Variants in GLYATL1 observed in about 807,000 individuals in gnomAD.
The protein encoded by GLYATL1 is glycine N-acyltransferase-like protein 1.
GLYATL1 carries 15 observed loss-of-function variants against 20.0 expected under a neutral mutation model. That is an observed-to-expected ratio of 0.75 (90% confidence interval 0.50 to 1.15). The LOEUF (loss-of-function observed/expected upper bound fraction) is 1.15, where lower values mean the gene tolerates loss of function less well. Among genes scored for constraint, GLYATL1 ranks in the 50% most tolerant of loss-of-function variants. The probability of loss-of-function intolerance (pLI) is 0.00; values close to 1 mark genes in which losing one functional copy is unlikely to be tolerated. For synonymous variants in GLYATL1, 151 were observed against 131.5 expected (o/e 1.15, Z -1.01); for missense variants, 380 against 368.5 (o/e 1.03, Z -0.26).
chr11:58,920,485 T>G (rs80006770), intron 1 of GLYATL1, among the ~76,000 whole-genome samples: 6,255 of 152,198 alleles, frequency 0.041, 409 homozygotes, highest in African/African-American at 0.14. Flanking sequence ...TGCATGCCCC[T>G]CTTGGCGTAC....
intron 1 of GLYATL1, among the ~76,000 whole-genome samples, chr11:58,920,469 C>G (rs955666896): frequency 1.9e-4 from 29 of 152,278 alleles, no homozygotes; most frequent in African/African-American, 6.7e-4. Context: ...AGTCCAAAGT[C>G]ACCACTGCAT....
intron 3 of GLYATL1, 144 bp from the exon 4 acceptor site, chr11:58,947,714 C>T (rs1260628775): frequency 7.7e-6 from 5 of 648,062 alleles, no homozygotes; most frequent in South Asian, 5.2e-5. Flanking sequence ...GTATGGTCCT[C>T]TCCAGGACCA....
At chr11:58,917,709 A>G (rs1048264476) in intron 1 of GLYATL1, among the ~76,000 whole-genome samples, 4 of 152,224 alleles carry the variant, frequency 2.6e-5, no homozygotes, top group Non-Finnish European at 5.9e-5. Flanking sequence ...AAAACAGGAT[A>G]CTTGAAGTTA....
chr11:58,916,615 T>A (rs1009230267), intron 1 of GLYATL1, among the ~76,000 whole-genome samples: 6 of 152,206 alleles, frequency 3.9e-5, no homozygotes, highest in Non-Finnish European at 7.3e-5. Context: ...CCTCAGACCC[T>A]GTCCTGGCCC....
upstream of GLYATL1, among the ~76,000 whole-genome samples, chr11:58,937,821 G>C (rs1301117488): frequency 6.6e-6 from 1 of 152,100 alleles, no homozygotes; most frequent in East Asian, 1.9e-4. Context: ...ACATTGCTAA[G>C]GGTTAAAGAA....
At position 58,955,354 on chromosome 11, in the gene GLYATL1, G is replaced by A; in HGVS notation, c.491+1G>A. On this transcript the variant is annotated splice_donor_variant, in intron 6 of 6. Transcript: ENST00000532726. LOFTEE classifies it high-confidence loss of function. ...GCCACCCAGATGATGAATTTGAAAG[G>A]TACAAAAACATGTGCTGATCATTTA... 1.2e-6 allele frequency: 2 copies of A among 1,609,086 alleles called. No individual in the cohort carries two copies. The highest frequency in any genetic ancestry group is 1.7e-6 in the Non-Finnish European group (2 of 1,178,186).
At chr11:58,907,033 T>G (rs1055236868) in intron 1 of GLYATL1, among the ~76,000 whole-genome samples, 4 of 152,148 alleles carry the variant, frequency 2.6e-5, no homozygotes, top group Admixed American at 6.5e-5. Context: ...CCAAACTCCT[T>G]AATTTAGAAA....
chr11:58,910,055 T>C (rs987911970), downstream of GLYATL1, among the ~76,000 whole-genome samples: 8 of 152,178 alleles, frequency 5.3e-5, no homozygotes, highest in South Asian at 1.2e-3. Context: ...TGCCATCTAA[T>C]TGTCCCAACT....
rs918318551 is a variant in GLYATL1 at position 58,955,721 on chromosome 11, C to T, written c.603C>T (p.Cys201=). 6.2e-7 allele frequency: 1 copy of T among 1,614,166 alleles called. No individual in the cohort carries two copies. The highest frequency in any genetic ancestry group is 8.5e-7 in the Non-Finnish European group (1 of 1,180,026). The change falls in exon 7 of 7, where the codon TGC becomes TGT. Residue 201 remains cysteine, a synonymous_variant. Transcript: ENST00000532726. ...GGAGCCTGCATTACATCAAGCGCTG[C>T]ATAGAAGACCTGCCAGCAGCCTGTA... ...NERSLHYIKR[C]IEDLPAACML... is the part of the protein sequence containing the mutation.
intron 1 of GLYATL1, among the ~76,000 whole-genome samples, chr11:58,920,858 T>C (rs1855292786): frequency 6.6e-6 from 1 of 152,176 alleles, no homozygotes; most frequent in African/African-American, 2.4e-5. Context: ...GCAGTGGCAG[T>C]TAGCACATTG....
At chr11:58,941,448 G>T (rs904368466) in intron 1 of GLYATL1, among the ~76,000 whole-genome samples, 1 of 152,100 alleles carries the variant, frequency 6.6e-6, no homozygotes, top group Non-Finnish European at 1.5e-5. Context: ...ATCATTTCTG[G>T]ACATTTGGGT....
chr11:58,947,790 C>A, intron 3 of GLYATL1, 68 bp from the exon 4 acceptor site: 1 of 1,069,804 alleles, frequency 9.3e-7, no homozygotes, highest in Non-Finnish European at 1.5e-6. Context: ...TTTTCTCTTC[C>A]TCTTCACAAC....
intron 1 of GLYATL1, among the ~76,000 whole-genome samples, chr11:58,915,406 G>A (rs1855148225): frequency 6.6e-6 from 1 of 152,192 alleles, no homozygotes; most frequent in Admixed American, 6.5e-5. Flanking sequence ...GGATCCCAGA[G>A]CTATAGATGG....
chr11:58,936,401 T>C (rs1855836783), upstream of GLYATL1, among the ~76,000 whole-genome samples: 1 of 152,226 alleles, frequency 6.6e-6, no homozygotes, highest in Non-Finnish European at 1.5e-5. Flanking sequence ...ATGTGTCCAC[T>C]TCCCAGGACT....
exon 2 of GLYATL1, chr11:58,908,317 C>T (rs1460213463): frequency 6.6e-6 from 1 of 152,538 alleles, no homozygotes; most frequent in Non-Finnish European, 1.5e-5. Context: ...TGAGATCCCA[C>T]ACAGCCTGAT....
At chr11:58,941,217 A>T (rs1397672187) in intron 1 of GLYATL1, among the ~76,000 whole-genome samples, 1 of 114,068 alleles carries the variant, frequency 8.8e-6, no homozygotes, top group Non-Finnish European at 1.7e-5. Flanking sequence ...CAGTCCCCAG[A>T]GTGTGATGTT....
At chr11:58,913,558 G>T (rs1356734499), downstream of GLYATL1, among the ~76,000 whole-genome samples, 1 of 152,130 alleles carries the variant, frequency 6.6e-6, no homozygotes, top group East Asian at 1.9e-4. Flanking sequence ...CTACTTGCCT[G>T]GTATGTCACA....
rs1484455283 is a variant in GLYATL1, at chr11:58,947,703, AGTAT to A, written c.79-153_79-150del. ...GCTTGCTGGTAACTTCACGTCCATC[AGTAT>A]GGTCCTCTCCAGGACCATACTGCTC... is the stretch of plus-strand genomic sequence containing the variant. On this transcript the variant is annotated intron_variant, in intron 3 of 6. Transcript: ENST00000532726. The A allele has an allele frequency of 5.0e-6, 3 of 601,334 alleles. No homozygotes were observed. The East Asian group carries it at 8.3e-5, about 17-fold the overall frequency. 37.2% of individuals were successfully genotyped at this position (601,334 alleles called of 1,614,324 possible). A position where few individuals can be genotyped will look rare whatever the true frequency, so the allele number is the denominator to read the frequency against.
chr11:58,916,587 C>T (rs554704260), intron 1 of GLYATL1, among the ~76,000 whole-genome samples: 7 of 152,284 alleles, frequency 4.6e-5, no homozygotes, highest in African/African-American at 1.4e-4. Flanking sequence ...CTGGGACTGG[C>T]ACTGAATCCT....
Sources: gnomAD v4.1 joint callset for allele counts (sites outside exome capture counted in the v4.1 genomes callset) on GRCh38, gnomAD v4.1.1 for gene constraint, MANE v1.5 for transcripts, NCBI Gene and HGNC (gene_info 2026-07-23, HGNC 2026-07-21) for gene names.